The following KCNN2 variants were observed in gnomAD, a reference collection of about 807,000 sequenced individuals.
KCNN2 encodes small conductance calcium-activated potassium channel protein 2.
KCNN2 carries 24 observed loss-of-function variants against 55.5 expected under a neutral mutation model. The ratio of observed to expected loss-of-function variants is 0.43; its 90% CI spans 0.31 to 0.61. The LOEUF (loss-of-function observed/expected upper bound fraction) is 0.61, where lower values mean the gene tolerates loss of function less well. Ranked by LOEUF, KCNN2 falls within the 20% of genes least tolerant of loss-of-function variation. The pLI, the probability that KCNN2 is intolerant of heterozygous loss-of-function variation, is 0.08. For synonymous variants in KCNN2, 431 were observed against 336.1 expected (o/e 1.28, Z -3.09); for missense variants, 754 against 853.6 (o/e 0.88, Z 1.45).
chr5:114,493,923 G>A lies in KCNN2; in HGVS notation c.2088+451G>A, dbSNP rs565010320. 3.3e-5 allele frequency among the ~76,000 whole-genome samples: 5 copies of A among 152,160 alleles called. No individual in the cohort carries two copies. In the South Asian group the frequency reaches 1.0e-3, roughly 32 times the overall value. On this transcript the variant is annotated intron_variant, in intron 7 of 7. Coordinates refer to ENST00000673685, the MANE Select transcript of KCNN2 (RefSeq NM_021614.4). ...GTTGAAATAAAAATAAAAGATACCAGAAATTACATCCTAGAATGAAAGTTA... is the reference window on the plus strand; with the variant it reads ...GTTGAAATAAAAATAAAAGATACCAAAAATTACATCCTAGAATGAAAGTTA...
At chr5:114,272,453 T>C (rs1580680526) in intron 2 of KCNN2, among the ~76,000 whole-genome samples, 1 of 10,932 alleles carries the variant, frequency 9.1e-5, no homozygotes, top group Admixed American at 1.4e-3. Context: ...CACACATATG[T>C]ATGTACATAT....
chr5:114,415,519 T>A (rs756516905), intron 3 of KCNN2, among the ~76,000 whole-genome samples: 2 of 152,228 alleles, frequency 1.3e-5, no homozygotes, highest in Non-Finnish European at 2.9e-5. Flanking sequence ...TGTCTTAATG[T>A]GTGTATATAA....
At chr5:114,213,323 A>G (rs926686977) in intron 1 of KCNN2, among the ~76,000 whole-genome samples, 4 of 151,768 alleles carry the variant, frequency 2.6e-5, no homozygotes, top group African/African-American at 4.8e-5. Context: ...TTAAAAATCT[A>G]TAAAATCTAC....
intron 6 of KCNN2, among the ~76,000 whole-genome samples, chr5:114,488,377 A>G (rs1747677630): frequency 6.6e-6 from 1 of 152,172 alleles, no homozygotes; most frequent in East Asian, 1.9e-4. Context: ...TCTGTAGCTC[A>G]GTGACTTGAC....
chr5:114,187,804 C>G (rs1753368920), intron 1 of KCNN2, among the ~76,000 whole-genome samples: 1 of 150,584 alleles, frequency 6.6e-6, no homozygotes, highest in Non-Finnish European at 1.5e-5. Context: ...CCATGCCCGG[C>G]CCCCTTTTTT....
At chr5:114,099,277 C>T (rs189490770) in intron 1 of KCNN2, among the ~76,000 whole-genome samples, 3 of 152,030 alleles carry the variant, frequency 2.0e-5, no homozygotes, top group Non-Finnish European at 4.4e-5. Context: ...ATATATAATA[C>T]AGATTATAGC....
intron 3 of KCNN2, among the ~76,000 whole-genome samples, chr5:114,447,503 G>A (rs1760463928): frequency 6.6e-6 from 1 of 152,214 alleles, no homozygotes; most frequent in Non-Finnish European, 1.5e-5. Flanking sequence ...GAAGAGAGAT[G>A]ACTGACAAAC....
intron 1 of KCNN2, among the ~76,000 whole-genome samples, chr5:114,069,605 A>G (rs921842558): frequency 4.6e-5 from 7 of 152,194 alleles, no homozygotes; most frequent in African/African-American, 1.4e-4. Flanking sequence ...ATCACCAGCA[A>G]TATCTTTTTC....
At chr5:114,273,008 C>A (rs994523468) in intron 2 of KCNN2, among the ~76,000 whole-genome samples, 3 of 152,098 alleles carry the variant, frequency 2.0e-5, no homozygotes, top group African/African-American at 7.2e-5. Flanking sequence ...GGCATTTCTC[C>A]TCATGATATC....
At chr5:114,149,278 C>G (rs921894347) in intron 1 of KCNN2, among the ~76,000 whole-genome samples, 1 of 151,974 alleles carries the variant, frequency 6.6e-6, no homozygotes, top group Non-Finnish European at 1.5e-5. Flanking sequence ...TCGTCGAGAC[C>G]GAAGACTAGT....
At chr5:114,403,267 G>A (rs933201127) in intron 2 of KCNN2, among the ~76,000 whole-genome samples, 3 of 152,182 alleles carry the variant, frequency 2.0e-5, no homozygotes, top group East Asian at 1.9e-4. Flanking sequence ...GCACACTGCC[G>A]GGTCATTCAG....
chr5:114,386,106 G>A (rs557546175), intron 2 of KCNN2, among the ~76,000 whole-genome samples: 74 of 150,794 alleles, frequency 4.9e-4, no homozygotes, highest in Middle Eastern at 3.4e-3. Flanking sequence ...GGCGTGAACC[G>A]AGGAGACAGA....
In KCNN2 at chr5:114,186,808, G is replaced by A. The variant is rs567826978; in HGVS notation, c.-270-34672G>A. ...GACACCAGGCTCAGGTGGTATTCAG[G>A]AAGATGTTAAATACCCTTCAAAGGA... On this transcript the variant is annotated intron_variant, in intron 1 of 10. Transcript: ENST00000512097. 2.0e-4 allele frequency among the ~76,000 whole-genome samples: 30 copies of A among 152,220 alleles called. No individual in the cohort carries two copies. In the South Asian group the frequency reaches 5.2e-3, roughly 26 times the overall value.
intron 2 of KCNN2, among the ~76,000 whole-genome samples, chr5:114,380,653 A>C (rs543850039): frequency 6.6e-6 from 1 of 152,148 alleles, no homozygotes; most frequent in African/African-American, 2.4e-5. Flanking sequence ...TAGTATTTTC[A>C]TTATTGTATT....
chr5:114,314,524 C>G (rs1050794937), intron 2 of KCNN2, among the ~76,000 whole-genome samples: 1 of 152,118 alleles, frequency 6.6e-6, no homozygotes, highest in African/African-American at 2.4e-5. Context: ...TTTTAATCCT[C>G]TCTATATTTT....
chr5:114,308,517 C>T (rs1561564905), intron 2 of KCNN2, among the ~76,000 whole-genome samples: 1 of 152,188 alleles, frequency 6.6e-6, no homozygotes. Context: ...TTCTCTTGAA[C>T]TTCTAGGTTA....
At chr5:114,314,500 G>A (rs1411018666) in intron 2 of KCNN2, among the ~76,000 whole-genome samples, 1 of 151,786 alleles carries the variant, frequency 6.6e-6, no homozygotes, top group Non-Finnish European at 1.5e-5. Flanking sequence ...TTAAACCCTG[G>A]CAACCTCTGA....
chr5:114,168,202 A>ACAC, intron 1 of KCNN2, among the ~76,000 whole-genome samples: 1 of 136,844 alleles, frequency 7.3e-6, no homozygotes, highest in African/African-American at 2.6e-5. Context: ...CACACACACA[A>ACAC]CATCTAGGTA....
intron 2 of KCNN2, among the ~76,000 whole-genome samples, chr5:114,226,718 C>G (rs1241612500): frequency 6.6e-6 from 1 of 151,768 alleles, no homozygotes; most frequent in African/African-American, 2.4e-5. Flanking sequence ...CTGGCTAACA[C>G]GGTGAATCCC....
Sources: gnomAD v4.1 joint callset for allele counts (sites outside exome capture counted in the v4.1 genomes callset) on GRCh38, gnomAD v4.1.1 for gene constraint, MANE v1.5 for transcripts, NCBI Gene and HGNC (gene_info 2026-07-23, HGNC 2026-07-21) for gene names.